Variants in ATP2C1 observed in about 807,000 individuals in gnomAD.
The protein encoded by ATP2C1 is ATPase secretory pathway Ca2+ transporting 1, also known as calcium-transporting ATPase type 2C member 1.
In ATP2C1, 31 loss-of-function variants were observed where a neutral mutation model predicts 120.5. The ratio of observed to expected loss-of-function variants is 0.26; its 90% CI spans 0.19 to 0.35. The LOEUF is 0.35. Among genes scored for constraint, ATP2C1 ranks in the 10% least tolerant of loss-of-function variants. The pLI is 1.00. For synonymous variants in ATP2C1, 351 were observed against 358.7 expected (o/e 0.98, Z 0.24); for missense variants, 731 against 1,107.5 (o/e 0.66, Z 4.83).
chr3:130,996,564 A>C, intron 23 of ATP2C1, 116 bp from the exon 24 acceptor site: 1 of 779,714 alleles, frequency 1.3e-6, no homozygotes, highest in Non-Finnish European at 2.3e-6. Flanking sequence ...GTTTACTTGA[A>C]ACAGTCTTCC....
rs1384237522 is a variant in ATP2C1 at position 130,986,549 on chromosome 3, G to A, written c.1839+5870G>A. Among the ~76,000 whole-genome samples the A allele has an allele frequency of 6.6e-5, 10 of 152,264 alleles. No homozygotes were observed. In the East Asian group the frequency reaches 1.5e-3, roughly 24 times the overall value. Reference sequence around the variant, plus strand: ...GGTTTCCCAAGTAGAGTGTGTGTGCGTTAATTATAGCAGATATCCTGATGC... The same window carrying A: ...GGTTTCCCAAGTAGAGTGTGTGTGCATTAATTATAGCAGATATCCTGATGC... On this transcript the variant is annotated intron_variant, in intron 20 of 27. Transcript: ENST00000510168.
At chr3:131,016,492 A>G (rs1346385151) in exon 27 of ATP2C1, 2 of 797,650 alleles carry the variant, frequency 2.5e-6, no homozygotes, top group African/African-American at 3.5e-5. Flanking sequence ...GCCTTGCTGT[A>G]TAAATTGAAA....
intron 2 of ATP2C1, among the ~76,000 whole-genome samples, chr3:130,922,939 T>C (rs2059033077): frequency 6.6e-6 from 1 of 152,182 alleles, no homozygotes; most frequent in Non-Finnish European, 1.5e-5. Flanking sequence ...CTGCAATTGT[T>C]GGGTAGAATG....
Position 131,001,222 on chromosome 3 carries a change from CTGT to C in ATP2C1, c.2637_2639del (p.Leu879del). ...ACCCAACTTATTTTCTCTTGCAGAT[CTGT>C]TGTTTCTTTTGGGTCTCACCTCATC... On this transcript the variant is annotated inframe_deletion, in exon 28 of 28. Transcript: ENST00000510168. 6.2e-7 allele frequency: 1 copy of C among 1,608,196 alleles called. No individual in the cohort carries two copies. Among genetic ancestry groups the C allele is most frequent in the Non-Finnish European group, 8.5e-7 (1 of 1,176,584 alleles).
At position 131,002,032 on chromosome 3, in the gene ATP2C1, G is replaced by T. The variant is rs923721792; in HGVS notation, c.*682G>T. ...GTTGCTTTATTTTTATTTTAAAAAGGTATGTCTTTGGTTTGGCAGAATTCA... is the reference window on the plus strand; with the variant it reads ...GTTGCTTTATTTTTATTTTAAAAAGTTATGTCTTTGGTTTGGCAGAATTCA... On this transcript the variant is annotated 3_prime_UTR_variant, in exon 28 of 28. Transcript: ENST00000510168. 5.1e-6 allele frequency: 5 copies of T among 984,956 alleles called. No homozygotes were observed. The highest frequency in any genetic ancestry group is 6.0e-6 in the Non-Finnish European group (5 of 829,326). 61.0% of individuals were successfully genotyped at this position (984,956 alleles called of 1,614,324 possible). A position where few individuals can be genotyped will look rare whatever the true frequency, so the allele number is the denominator to read the frequency against.
At position 130,969,274 on chromosome 3, in the gene ATP2C1, T is replaced by A; in HGVS notation, c.1309-18T>A. The stretch of plus-strand genomic sequence containing the variant: ...ATCACATATAGGTGAGAATTAACTT[T>A]CTCTTTGTGCCATATAGATGGGTCT... On this transcript the variant is annotated intron_variant, in intron 16 of 27. Coordinates refer to ENST00000510168, the MANE Select transcript of ATP2C1 (RefSeq NM_001378687.1). 6.4e-7 allele frequency: 1 copy of A among 1,566,286 alleles called. No individual in the cohort carries two copies. Among genetic ancestry groups the A allele is most frequent in the Non-Finnish European group, 8.8e-7 (1 of 1,136,808 alleles).
At chr3:130,980,014 T>C (rs903365810) in intron 19 of ATP2C1, among the ~76,000 whole-genome samples, 3 of 152,196 alleles carry the variant, frequency 2.0e-5, no homozygotes, top group Admixed American at 2.0e-4. Context: ...TTTCAAACTA[T>C]ATATTGTCTA....
intron 6 of ATP2C1, among the ~76,000 whole-genome samples, chr3:130,938,109 AAGT>A (rs1420080607): frequency 1.3e-5 from 2 of 152,248 alleles, no homozygotes; most frequent in African/African-American, 4.8e-5. Flanking sequence ...ATCTGAATCA[AAGT>A]AATTCAAACA....
At chr3:130,926,026 G>T (rs1378972221) in intron 2 of ATP2C1, among the ~76,000 whole-genome samples, 1 of 152,114 alleles carries the variant, frequency 6.6e-6, no homozygotes, top group Non-Finnish European at 1.5e-5. Flanking sequence ...GGTTACCAGG[G>T]TGGATACTTT....
chr3:130,879,002 T>A (rs1339296066), intron 1 of ATP2C1, among the ~76,000 whole-genome samples: 1 of 152,204 alleles, frequency 6.6e-6, no homozygotes, highest in Admixed American at 6.5e-5. Context: ...ATACACTTTC[T>A]AGCTATTTGA....
intron 2 of ATP2C1, among the ~76,000 whole-genome samples, chr3:130,917,752 C>G (rs1459957592): frequency 6.6e-6 from 1 of 152,182 alleles, no homozygotes; most frequent in African/African-American, 2.4e-5. Flanking sequence ...CTCTCTAGTG[C>G]TTATTCATCT....
Position 130,867,296 on chromosome 3 carries a change from GTCCCTCTCCCTCTCCCTC to G in ATP2C1, c.108+16393_108+16410del, listed in dbSNP as rs59581010. On this transcript the variant is annotated intron_variant, in intron 1 of 26. Coordinates refer to the ATP2C1 transcript ENST00000504381. ...TTTAAATCAAAAAATAGAAATGATTGTCCCTCTCCCTCTCCCTCTCCCTCTCCCTCTCCCTCTCCCTCA... is the reference window on the plus strand; with the variant it reads ...TTTAAATCAAAAAATAGAAATGATTGTCCCTCTCCCTCTCCCTCTCCCTCA... Among the ~76,000 whole-genome samples the G allele has an allele frequency of 7.1e-3, 955 of 134,952 alleles. 10 individuals are homozygous for G. Among genetic ancestry groups the G allele is most frequent in the African/African-American group, 0.022 (723 of 33,186 alleles). 88.5% of individuals were successfully genotyped at this position (134,952 alleles called of 152,430 possible). A position where few individuals can be genotyped will look rare whatever the true frequency, so the allele number is the denominator to read the frequency against.
chr3:130,880,054 G>A (rs144710667), intron 1 of ATP2C1, among the ~76,000 whole-genome samples: 1 of 152,204 alleles, frequency 6.6e-6, no homozygotes, highest in Non-Finnish European at 1.5e-5. Context: ...GGAGTGCAAA[G>A]GTGTTCATGG....
chr3:130,998,995 A>G (rs1480799365), intron 26 of ATP2C1, among the ~76,000 whole-genome samples: 3 of 152,214 alleles, frequency 2.0e-5, no homozygotes, highest in Non-Finnish European at 4.4e-5. Flanking sequence ...GCTTTAAAGC[A>G]CTTTATGAAT....
intron 6 of ATP2C1, among the ~76,000 whole-genome samples, chr3:130,938,826 T>C (rs2059779447): frequency 6.6e-6 from 1 of 152,216 alleles, no homozygotes; most frequent in African/African-American, 2.4e-5. Context: ...CTGCAAATAG[T>C]ATCACTATGT....
intron 2 of ATP2C1, among the ~76,000 whole-genome samples, chr3:130,928,443 C>T (rs2059311066): frequency 6.6e-6 from 1 of 152,186 alleles, no homozygotes; most frequent in Admixed American, 6.5e-5. Flanking sequence ...AATGTAGACC[C>T]TATCTATATA....
Position 130,894,498 on chromosome 3 carries a change from T to G in ATP2C1, c.-180-92T>G. On this transcript the variant is annotated intron_variant, in intron 1 of 27. Transcript: ENST00000510168. The surrounding 1 kb of genome is among the most constrained non-coding windows in gnomAD (Gnocchi z 4.5). ...GGCACACGACGGGGCGGGTGCGGGA[T>G]CTTGGGGAGGGGGGCTCCCGAGATA... The G allele has an allele frequency of 2.9e-6, 4 of 1,366,462 alleles. No homozygotes were observed. Among genetic ancestry groups the G allele is most frequent in the African/African-American group, 1.5e-5 (1 of 67,844 alleles). The allele number at this position is 1,366,462 out of a possible 1,614,324, so 84.6% of individuals were successfully genotyped here.
intron 16 of ATP2C1, among the ~76,000 whole-genome samples, chr3:130,968,322 C>A (rs2061145167): frequency 6.6e-6 from 1 of 152,086 alleles, no homozygotes; most frequent in African/African-American, 2.4e-5. Flanking sequence ...ATGAAACTAT[C>A]TTTTTATGGG....
At chr3:131,006,567 T>C (rs2063119172), downstream of ATP2C1, among the ~76,000 whole-genome samples, 1 of 152,088 alleles carries the variant, frequency 6.6e-6, no homozygotes. Context: ...GAATCAGAGC[T>C]TTTACCTCTA....
Sources: gnomAD v4.1 joint callset for allele counts (sites outside exome capture counted in the v4.1 genomes callset) on GRCh38, gnomAD v4.1.1 for gene constraint, Gnocchi (gnomAD v3.1) non-coding constraint, MANE v1.5 for transcripts, NCBI Gene and HGNC (gene_info 2026-07-23, HGNC 2026-07-21) for gene names.